NF1: variants seen among roughly 807,000 people sequenced by gnomAD.
The protein encoded by NF1 is neurofibromin.
Under a neutral mutation model 325.7 loss-of-function variants are expected in NF1, and 122 were observed. That is an observed-to-expected ratio of 0.37 (90% CI 0.32 to 0.44). NF1 has a LOEUF of 0.44. Ranked by LOEUF, NF1 falls within the 20% of genes least tolerant of loss-of-function variation. The probability of loss-of-function intolerance (pLI) is 1.00; values close to 1 mark genes in which losing one functional copy is unlikely to be tolerated. For missense variants in NF1, 2,140 were observed against 3,415.4 expected (o/e 0.63, Z 9.31); for synonymous variants, 1,091 against 1,186.0 (o/e 0.92, Z 1.65).
intron 36 of NF1, among the ~76,000 whole-genome samples, chr17:31,308,731 C>T (rs372684922): frequency 6.6e-6 from 1 of 152,014 alleles, no homozygotes; most frequent in East Asian, 1.9e-4. Flanking sequence ...TTAAATTCCC[C>T]TTCTTAACCC....
At chr17:31,196,666 C>G (rs2066439173) in intron 8 of NF1, among the ~76,000 whole-genome samples, 1 of 151,882 alleles carries the variant, frequency 6.6e-6, no homozygotes, top group Non-Finnish European at 1.5e-5. Flanking sequence ...AGTTTTATAG[C>G]TTTACTGTTA....
intron 29 of NF1, 62 bp downstream of exon 29, chr17:31,236,083 T>A: frequency 1.6e-6 from 2 of 1,256,818 alleles, no homozygotes; most frequent in Non-Finnish European, 2.3e-6. Context: ...TTGTTTGTTT[T>A]ACTAACACTG....
At chr17:31,232,936 T>G in intron 26 of NF1, 55 bp downstream of exon 26, 1 of 1,613,664 alleles carries the variant, frequency 6.2e-7, no homozygotes, top group Non-Finnish European at 8.5e-7. Context: ...AACTGGCATG[T>G]AAGAGAAGCA....
chr17:31,124,416 G>A (rs578227358), intron 1 of NF1, among the ~76,000 whole-genome samples: 1 of 150,810 alleles, frequency 6.6e-6, no homozygotes, highest in East Asian at 1.9e-4. Context: ...ATTTATACAT[G>A]AGTATTAAGT....
chr17:31,115,817 A>G (rs1913854494), intron 1 of NF1, among the ~76,000 whole-genome samples: 1 of 152,222 alleles, frequency 6.6e-6, no homozygotes, highest in Admixed American at 6.5e-5. Context: ...CAGGGAATGC[A>G]TATTCATATT....
At chr17:31,316,906 C>G (rs2069034846) in intron 36 of NF1, among the ~76,000 whole-genome samples, 1 of 151,930 alleles carries the variant, frequency 6.6e-6, no homozygotes, top group East Asian at 1.9e-4. Context: ...AATTTGATGA[C>G]CAAGAGCAGT....
chr17:31,329,617 AT>A (rs1333248690), intron 38 of NF1, among the ~76,000 whole-genome samples: 1 of 152,230 alleles, frequency 6.6e-6, no homozygotes, highest in African/African-American at 2.4e-5. Flanking sequence ...ATTTTCAGAC[AT>A]TTGTAAGTGA....
chr17:31,109,645 A>G (rs1913233674), intron 1 of NF1, among the ~76,000 whole-genome samples: 3 of 152,074 alleles, frequency 2.0e-5, no homozygotes, highest in Admixed American at 2.0e-4. Flanking sequence ...CGGCCTCCCA[A>G]AGTGCTAGGA....
chr17:31,235,891 T>C (rs180683255), intron 28 of NF1, 27 bp from the exon 29 acceptor site: 160 of 1,609,110 alleles, frequency 9.9e-5, no homozygotes, highest in Non-Finnish European at 1.3e-4. Context: ...GCAGGTATAA[T>C]AAACTCCTAT....
intron 8 of NF1, among the ~76,000 whole-genome samples, chr17:31,196,948 C>T (rs957627833): frequency 6.6e-6 from 1 of 152,072 alleles, no homozygotes; most frequent in Non-Finnish European, 1.5e-5. Flanking sequence ...AGTAAGTTTT[C>T]AAATAAGAAA....
chr17:31,275,358 C>A (rs565161576), intron 36 of NF1, among the ~76,000 whole-genome samples: 1 of 152,288 alleles, frequency 6.6e-6, no homozygotes, highest in South Asian at 2.1e-4. Flanking sequence ...CAACCCACTT[C>A]ATCTTATCAC....
chr17:31,351,906 A>G (rs1163149505), intron 50 of NF1, among the ~76,000 whole-genome samples: 1 of 148,174 alleles, frequency 6.7e-6, no homozygotes, highest in Non-Finnish European at 1.5e-5. Flanking sequence ...GTGTTAGTGT[A>G]TTTTATATGT....
chr17:31,148,614 T>C (rs572974179), intron 1 of NF1, among the ~76,000 whole-genome samples: 1 of 152,284 alleles, frequency 6.6e-6, no homozygotes, highest in African/African-American at 2.4e-5. Flanking sequence ...TATCTTGACT[T>C]CATATAGATA....
At chr17:31,209,673 C>T (rs1478984140) in intron 12 of NF1, among the ~76,000 whole-genome samples, 6 of 151,966 alleles carry the variant, frequency 3.9e-5, no homozygotes, top group African/African-American at 1.5e-4. Flanking sequence ...AGTCCCACTC[C>T]GAGTCCCACT....
At chr17:31,298,721 A>G (rs2068515597) in intron 36 of NF1, among the ~76,000 whole-genome samples, 1 of 152,112 alleles carries the variant, frequency 6.6e-6, no homozygotes, top group Non-Finnish European at 1.5e-5. Flanking sequence ...GCCATCAATC[A>G]TAGTGCTTAA....
rs114309975 is a variant in NF1, at chr17:31,148,842, G to A, written c.61-7141G>A. 1.6e-3 allele frequency among the ~76,000 whole-genome samples: 250 copies of A among 152,022 alleles called. 2 individuals are homozygous for A. Among genetic ancestry groups the A allele is most frequent in the African/African-American group, 5.7e-3 (236 of 41,490 alleles). On this transcript the variant is annotated intron_variant, in intron 1 of 57. Transcript: ENST00000358273. ...TTGATTTGTTTATTTTTGATTTCTA[G>A]ACTTCTTAAAATTTTAATTTTATGT...
At chr17:31,230,221 A>G (rs774160307) in intron 22 of NF1, 39 bp from the exon 23 acceptor site, 6 of 1,607,142 alleles carry the variant, frequency 3.7e-6, no homozygotes, top group South Asian at 1.1e-5. Flanking sequence ...TCTTTTGTCT[A>G]TATCTGATAA....
intron 57 of NF1, among the ~76,000 whole-genome samples, chr17:31,365,758 T>C (rs972196021): frequency 1.3e-5 from 2 of 152,186 alleles, no homozygotes; most frequent in African/African-American, 4.8e-5. Context: ...TAGATAACTA[T>C]TTTGACCTCT....
intron 1 of NF1, among the ~76,000 whole-genome samples, chr17:31,148,512 G>A (rs1278015838): frequency 6.6e-6 from 1 of 151,288 alleles, no homozygotes; most frequent in Non-Finnish European, 1.5e-5. Flanking sequence ...CTATGGGATT[G>A]GTCATTAGTC....
Sources: gnomAD v4.1 joint callset for allele counts (sites outside exome capture counted in the v4.1 genomes callset) on GRCh38, gnomAD v4.1.1 for gene constraint, MANE v1.5 for transcripts, NCBI Gene and HGNC (gene_info 2026-07-23, HGNC 2026-07-21) for gene names.